The following HIVEP3 variants were observed in gnomAD, a reference collection of about 807,000 sequenced individuals.
HIVEP3 encodes the protein HIVEP zinc finger 3.
A neutral mutation model predicts 152.8 loss-of-function variants in HIVEP3; 49 were observed. The observed-to-expected ratio is 0.32, with a 90% confidence interval of 0.26 to 0.41. The LOEUF is 0.41. Ranked by LOEUF, HIVEP3 falls within the 10% of genes least tolerant of loss-of-function variation. The pLI is 1.00. For missense variants in HIVEP3, 2,790 were observed against 3,103.3 expected (o/e 0.90, Z 2.40); for synonymous variants, 1,269 against 1,289.0 (o/e 0.98, Z 0.33).
intron 2 of HIVEP3, among the ~76,000 whole-genome samples, chr1:41,641,331 G>A (rs1225894101): frequency 6.6e-6 from 1 of 152,176 alleles, no homozygotes; most frequent in African/African-American, 2.4e-5. Context: ...CTGCCCACAC[G>A]ACAGCTGCCC....
At chr1:41,808,204 C>A (rs1166178043) in intron 1 of HIVEP3, among the ~76,000 whole-genome samples, 1 of 152,206 alleles carries the variant, frequency 6.6e-6, no homozygotes, top group Non-Finnish European at 1.5e-5. Context: ...AAGGCACACA[C>A]CTCTACAAGG....
intron 1 of HIVEP3, among the ~76,000 whole-genome samples, chr1:41,829,058 C>T (rs1642885061): frequency 6.6e-6 from 1 of 152,130 alleles, no homozygotes; most frequent in African/African-American, 2.4e-5. Context: ...AGCCACCCCT[C>T]TCCCACCCCA....
chr1:41,770,102 G>T (rs889745599), intron 1 of HIVEP3, among the ~76,000 whole-genome samples: 48 of 151,978 alleles, frequency 3.2e-4, no homozygotes, highest in African/African-American at 1.2e-3. Flanking sequence ...CTGAGTAGCT[G>T]GGACTACAGG....
At chr1:41,555,028 G>A (rs1643943793) in intron 5 of HIVEP3, among the ~76,000 whole-genome samples, 1 of 152,206 alleles carries the variant, frequency 6.6e-6, no homozygotes, top group South Asian at 2.1e-4. Flanking sequence ...TCTCTTCAGA[G>A]CTGTCAGACA....
At chr1:41,595,072 G>A (rs907895785) in intron 3 of HIVEP3, among the ~76,000 whole-genome samples, 1 of 152,230 alleles carries the variant, frequency 6.6e-6, no homozygotes, top group African/African-American at 2.4e-5. Context: ...AATAGAATTT[G>A]TGGGAAAGGG....
In HIVEP3 at chr1:41,509,488, G is replaced by A. The variant is rs1032329150; in HGVS notation, c.*963C>T. The A allele has an allele frequency of 4.6e-5, 7 of 152,236 alleles. No individual in the cohort carries two copies. Among genetic ancestry groups the A allele is most frequent in the East Asian group, 1.9e-4 (1 of 5,192 alleles). The allele number at this position is 152,236 out of a possible 1,614,324, so 9.4% of individuals were successfully genotyped here. ...GTCTCAGGAACGGCCGCTAGGGCTC[G>A]GGCCCTGCCACTTCTGCCTTTGTGG... On this transcript the variant is annotated 3_prime_UTR_variant, in exon 9 of 9. Coordinates refer to ENST00000372583, the MANE Select transcript of HIVEP3 (RefSeq NM_024503.5).
intron 1 of HIVEP3, among the ~76,000 whole-genome samples, chr1:42,008,961 T>C (rs992414431): frequency 2.0e-5 from 3 of 152,210 alleles, no homozygotes; most frequent in African/African-American, 7.2e-5. Context: ...CAGACTGTTA[T>C]TTCTGACTGT....
intron 1 of HIVEP3, among the ~76,000 whole-genome samples, chr1:41,910,558 C>T (rs1644780088): frequency 6.6e-6 from 1 of 151,770 alleles, no homozygotes; most frequent in African/African-American, 2.4e-5. Context: ...ATAAGAAGTG[C>T]AAATTACAGT....
At chr1:41,812,218 A>AG (rs1651002073) in intron 1 of HIVEP3, among the ~76,000 whole-genome samples, 3 of 152,132 alleles carry the variant, frequency 2.0e-5, no homozygotes, top group African/African-American at 7.2e-5. Flanking sequence ...AGCAAACTTA[A>AG]CAAACACGAG....
intron 1 of HIVEP3, among the ~76,000 whole-genome samples, chr1:41,779,408 A>G (rs1449359840): frequency 1.3e-5 from 2 of 152,258 alleles, no homozygotes; most frequent in Non-Finnish European, 2.9e-5. Flanking sequence ...TGTGAGATTA[A>G]ATGAGTTACA....
chr1:41,847,258 A>G (rs573431183), intron 1 of HIVEP3: 1 of 152,378 alleles, frequency 6.6e-6, no homozygotes, highest in South Asian at 2.1e-4. Flanking sequence ...CCTAAACATC[A>G]AACCATAAGA....
At chr1:42,016,361 C>T (rs74881507) in intron 1 of HIVEP3, among the ~76,000 whole-genome samples, 3,776 of 152,150 alleles carry the variant, frequency 0.025, 70 homozygotes, top group Non-Finnish European at 0.041. Flanking sequence ...GGAGTTTGAT[C>T]TTTATCATGA....
chr1:41,699,727 C>T (rs1646332720), intron 2 of HIVEP3, among the ~76,000 whole-genome samples: 1 of 152,104 alleles, frequency 6.6e-6, no homozygotes, highest in Non-Finnish European at 1.5e-5. Flanking sequence ...CACGGGGTGT[C>T]CTGCCCTGGG....
At chr1:41,794,845 G>C (rs1649897102) in intron 1 of HIVEP3, among the ~76,000 whole-genome samples, 1 of 152,166 alleles carries the variant, frequency 6.6e-6, no homozygotes, top group Admixed American at 6.5e-5. Flanking sequence ...TGCAAAGATA[G>C]TGCAGAGTTT....
chr1:41,933,671 A>G (rs1645005979), intron 1 of HIVEP3, among the ~76,000 whole-genome samples: 1 of 152,132 alleles, frequency 6.6e-6, no homozygotes, highest in South Asian at 2.1e-4. Context: ...TAATGTGATT[A>G]TAGATATGGT....
chr1:41,757,665 C>G (rs1647400025), intron 1 of HIVEP3, among the ~76,000 whole-genome samples: 1 of 150,580 alleles, frequency 6.6e-6, no homozygotes, highest in African/African-American at 2.4e-5. Flanking sequence ...TTAATTACAG[C>G]CCCTTCAGTC....
At chr1:41,995,839 T>C (rs1306559392) in intron 1 of HIVEP3, among the ~76,000 whole-genome samples, 1 of 152,188 alleles carries the variant, frequency 6.6e-6, no homozygotes, top group African/African-American at 2.4e-5. Context: ...TTCAGCTCCA[T>C]CACAGCATCA....
intron 1 of HIVEP3, among the ~76,000 whole-genome samples, chr1:41,760,082 A>G (rs1469979040): frequency 6.6e-6 from 1 of 152,160 alleles, no homozygotes; most frequent in Non-Finnish European, 1.5e-5. Context: ...CTGAGGCAGT[A>G]GGATTGCTTG....
chr1:41,771,144 G>A (rs1648329542), intron 1 of HIVEP3, among the ~76,000 whole-genome samples: 1 of 152,166 alleles, frequency 6.6e-6, no homozygotes, highest in South Asian at 2.1e-4. Context: ...GTGGAGCAAT[G>A]ATGAAAATAA....
Sources: allele counts gnomAD v4.1 joint callset (sites outside exome capture counted in the v4.1 genomes callset), GRCh38; gene constraint gnomAD v4.1.1; transcripts MANE v1.5; gene names NCBI Gene and HGNC (gene_info 2026-07-23, HGNC 2026-07-21).